Variants in OR51B5 observed in about 807,000 individuals in gnomAD.
OR51B5 encodes the protein olfactory receptor 51B5.
For missense variants in OR51B5, 456 were observed against 374.6 expected, an observed-to-expected ratio of 1.22 and a Z score of -1.79; for synonymous variants, 186 against 144.8, an observed-to-expected ratio of 1.28 and a Z score of -2.04.
intron 1 of OR51B5, among the ~76,000 whole-genome samples, chr11:5,412,306 AG>A (rs1233600830): frequency 6.6e-6 from 1 of 152,200 alleles, no homozygotes; most frequent in Non-Finnish European, 1.5e-5. Context: ...TCGAACCGGG[AG>A]GAGCCAAGAT....
intron 1 of OR51B5, among the ~76,000 whole-genome samples, chr11:5,464,890 T>C (rs1330602478): frequency 6.6e-6 from 1 of 152,192 alleles, no homozygotes; most frequent in Non-Finnish European, 1.5e-5. Context: ...TGAACTAGTT[T>C]ACAGTCCCAC....
chr11:5,463,539 C>T (rs1851090648), intron 1 of OR51B5, among the ~76,000 whole-genome samples: 1 of 152,214 alleles, frequency 6.6e-6, no homozygotes, highest in Non-Finnish European at 1.5e-5. Flanking sequence ...TCGTCACTAT[C>T]TTTTACTCAA....
chr11:5,427,883 G>A (rs1264626349), intron 1 of OR51B5, among the ~76,000 whole-genome samples: 3 of 152,054 alleles, frequency 2.0e-5, no homozygotes, highest in African/African-American at 4.8e-5. Flanking sequence ...ATGATATGGT[G>A]AATATTAAAA....
chr11:5,361,697 A>T (rs1849287617), intron 1 of OR51B5, among the ~76,000 whole-genome samples: 2 of 152,198 alleles, frequency 1.3e-5, no homozygotes, highest in South Asian at 4.1e-4. Flanking sequence ...CTCTTTTGCA[A>T]ATTCCTAGAA....
In OR51B5 at chr11:5,380,656, C is replaced by T. The variant is rs536055965; in HGVS notation, n.85-33746G>A. On this transcript the variant is annotated intron_variant and non_coding_transcript_variant, in intron 1 of 4. Transcript: ENST00000415970. Reference sequence around the variant, plus strand: ...CACACATAGATTTGTGTGAGATTACCATCTGTAAAAATCTGAAAAAGCTAA... The same window carrying T: ...CACACATAGATTTGTGTGAGATTACTATCTGTAAAAATCTGAAAAAGCTAA... 2.0e-5 allele frequency among the ~76,000 whole-genome samples: 3 copies of T among 152,228 alleles called. No homozygotes were observed. In the South Asian group the frequency reaches 6.2e-4, roughly 32 times the overall value.
chr11:5,364,614 GTCTC>G (rs1356467022), intron 1 of OR51B5, among the ~76,000 whole-genome samples: 1 of 151,854 alleles, frequency 6.6e-6, no homozygotes, highest in African/African-American at 2.4e-5. Context: ...GTATTTATGT[GTCTC>G]TCTCTTCCTC....
chr11:5,346,417 A>C (rs1848991122), upstream of OR51B5: 1 of 152,150 alleles, frequency 6.6e-6, no homozygotes, highest in Admixed American at 6.5e-5. Context: ...GGAAGGAAAG[A>C]GATCATAAAG....
chr11:5,405,609 G>A (rs2736521), intron 1 of OR51B5, among the ~76,000 whole-genome samples: 127,391 of 151,950 alleles, frequency 0.84, 53,880 homozygotes, highest in Non-Finnish European at 0.89. Context: ...TTTTAAATTG[G>A]CCTTATAATG....
intron 1 of OR51B5, among the ~76,000 whole-genome samples, chr11:5,353,814 C>T (rs1402651352): frequency 6.6e-6 from 1 of 152,310 alleles, no homozygotes; most frequent in East Asian, 1.9e-4. Context: ...CTCTTCATCA[C>T]AGAAAGGTGG....
At chr11:5,457,249 T>C (rs1277390372) in intron 1 of OR51B5, among the ~76,000 whole-genome samples, 1 of 152,246 alleles carries the variant, frequency 6.6e-6, no homozygotes, top group African/African-American at 2.4e-5. Flanking sequence ...TTTCTGTTCA[T>C]GCATTAATTC....
chr11:5,474,979 G>A (rs981764926), intron 1 of OR51B5, among the ~76,000 whole-genome samples: 16 of 152,142 alleles, frequency 1.1e-4, no homozygotes, highest in Non-Finnish European at 1.5e-4. Flanking sequence ...AACTAGAAAT[G>A]GCCAGATAAA....
chr11:5,469,956 G>T (rs1024871235), intron 1 of OR51B5, among the ~76,000 whole-genome samples: 3 of 151,938 alleles, frequency 2.0e-5, no homozygotes, highest in Non-Finnish European at 2.9e-5. Flanking sequence ...CCTTTTCCTT[G>T]TGGCTTGAAC....
At chr11:5,459,969 A>G (rs1490553065) in intron 1 of OR51B5, among the ~76,000 whole-genome samples, 1 of 152,230 alleles carries the variant, frequency 6.6e-6, no homozygotes, top group Non-Finnish European at 1.5e-5. Flanking sequence ...AAGACATGGA[A>G]TCAACCCAAA....
At chr11:5,443,707 T>A (rs1850725851) in intron 1 of OR51B5, among the ~76,000 whole-genome samples, 1 of 152,024 alleles carries the variant, frequency 6.6e-6, no homozygotes. Flanking sequence ...CTTTGAAAAC[T>A]TTTCCTCCAT....
intron 1 of OR51B5, among the ~76,000 whole-genome samples, chr11:5,489,956 A>G (rs1207806682): frequency 1.3e-5 from 2 of 152,228 alleles, no homozygotes; most frequent in South Asian, 2.1e-4. Context: ...CTTCAGAGGC[A>G]TCTGGATTTA....
intron 1 of OR51B5, among the ~76,000 whole-genome samples, chr11:5,484,500 T>C (rs1194992166): frequency 6.6e-6 from 1 of 152,068 alleles, no homozygotes; most frequent in Non-Finnish European, 1.5e-5. Flanking sequence ...TCGTCCAAGC[T>C]TGTTTCCCCT....
At chr11:5,377,035 G>C (rs939476104) in intron 1 of OR51B5, among the ~76,000 whole-genome samples, 2 of 152,158 alleles carry the variant, frequency 1.3e-5, no homozygotes, top group African/African-American at 2.4e-5. Context: ...GAATATCCCT[G>C]ATGAACATCG....
downstream of OR51B5, chr11:5,341,210 G>C (rs909259015): frequency 6.6e-6 from 1 of 152,222 alleles, no homozygotes; most frequent in African/African-American, 2.4e-5. Context: ...AGTAAAAGCA[G>C]TGTGGACAGG....
chr11:5,341,907 G>A (rs185863330), downstream of OR51B5, among the ~76,000 whole-genome samples: 15 of 152,252 alleles, frequency 9.9e-5, no homozygotes, highest in East Asian at 1.7e-3. Flanking sequence ...TCATTTATCC[G>A]TGATTCCTCT....
Sources: allele counts gnomAD v4.1 joint callset (sites outside exome capture counted in the v4.1 genomes callset), GRCh38; gene constraint gnomAD v4.1.1; transcripts MANE v1.5; gene names NCBI Gene and HGNC (gene_info 2026-07-23, HGNC 2026-07-21).